MON2: variants seen among roughly 807,000 people sequenced by gnomAD.
MON2 encodes MON2 regulator of endosome-to-Golgi trafficking, also known as protein MON2 homolog.
A neutral mutation model predicts 208.6 loss-of-function variants in MON2; 84 were observed. That is an observed-to-expected ratio of 0.40 (90% CI 0.34 to 0.48). The LOEUF is 0.48. Ranked by LOEUF, MON2 falls within the 20% of genes least tolerant of loss-of-function variation. The probability of loss-of-function intolerance (pLI) is 0.59; values close to 1 mark genes in which losing one functional copy is unlikely to be tolerated. For missense variants in MON2, 1,611 were observed against 2,015.4 expected, an observed-to-expected ratio of 0.80 and a Z score of 3.84; for synonymous variants, 660 against 694.0, an observed-to-expected ratio of 0.95 and a Z score of 0.77.
In MON2 at chr12:62,585,506, A is replaced by G. The variant is rs139718915; in HGVS notation, c.4907+5A>G. On this transcript the variant is annotated splice_donor_5th_base_variant and intron_variant, in intron 33 of 34. Coordinates refer to ENST00000393630, the MANE Select transcript of MON2 (RefSeq NM_015026.3). ...TGGTAAATGCCCTCTTCCAAGGTAT[A>G]TATTTCATTTTATTAAAGAAATAAA... 2.4e-5 allele frequency: 37 copies of G among 1,552,852 alleles called. No individual in the cohort carries two copies. The highest frequency in any genetic ancestry group is 9.1e-5 in the East Asian group (4 of 44,120).
intron 1 of MON2, among the ~76,000 whole-genome samples, chr12:62,468,172 CA>C (rs201380712): frequency 7.4e-5 from 11 of 148,976 alleles, no homozygotes; most frequent in Non-Finnish European, 1.3e-4. Flanking sequence ...AAAAAACAAA[CA>C]AAAAAACCCA....
In MON2 at chr12:62,595,145, T is replaced by G. The variant is rs2075499317; in HGVS notation, c.*2396T>G. The G allele has an allele frequency of 1.3e-5, 2 of 151,956 alleles. No homozygotes were observed. Among genetic ancestry groups the G allele is most frequent in the African/African-American group, 2.4e-5 (1 of 41,390 alleles). The allele number at this position is 151,956 out of a possible 1,614,324, so 9.4% of individuals were successfully genotyped here. ...TACTTACTAGAAATACTATGAGTTT[T>G]TTTTTTTTTTTTCATTTGAGACGGA... On this transcript the variant is annotated 3_prime_UTR_variant, in exon 35 of 35. Coordinates refer to ENST00000393630, the MANE Select transcript of MON2 (RefSeq NM_015026.3).
rs556363882 is a variant in MON2, at chr12:62,493,814, A to AT, written c.176-93dup. The stretch of plus-strand genomic sequence containing the variant: ...TTGGTGTTTATTTTACGTAAAGTGG[A>AT]TTTTTTTTGAGATCGCTATTACTGG... On this transcript the variant is annotated intron_variant, in intron 2 of 34. Coordinates refer to ENST00000393630, the MANE Select transcript of MON2 (RefSeq NM_015026.3). 202 of 900,770 alleles carry AT rather than the reference A, an allele frequency of 2.2e-4. No individual in the cohort carries two copies. In the East Asian group the frequency reaches 4.2e-3, roughly 19 times the overall value. The allele number at this position is 900,770 out of a possible 1,614,324, so 55.8% of individuals were successfully genotyped here.
At chr12:62,507,891 C>A (rs992396740) in intron 7 of MON2, among the ~76,000 whole-genome samples, 2 of 152,134 alleles carry the variant, frequency 1.3e-5, no homozygotes, top group Admixed American at 6.5e-5. Context: ...ACCTCAGCCT[C>A]CCAAATTGCT....
Position 62,580,312 on chromosome 12 carries a change from A to C in MON2, c.4591A>C (p.Ser1531Arg). Residue 1531 changes from serine to arginine, a missense_variant, in exon 32 of 35, where the codon AGC becomes CGC. By Grantham distance (110) the Ser-to-Arg change is moderately radical. Transcript: ENST00000393630. ...NIDVEVVQLI[S>R]NEILPYANFI... ...TTTGTTTTAGGTAGTTCAACTTATC[A>C]GCAATGAGATACTACCTTATGCCAA... 6.2e-7 allele frequency: 1 copy of C among 1,610,744 alleles called. No homozygotes were observed. The highest frequency in any genetic ancestry group is 8.5e-7 in the Non-Finnish European group (1 of 1,178,120).
intron 1 of MON2, among the ~76,000 whole-genome samples, chr12:62,469,062 CCT>C (rs1565945507): frequency 6.6e-6 from 1 of 151,796 alleles, no homozygotes; most frequent in African/African-American, 2.4e-5. Context: ...ACCTCAGCCC[CCT>C]GAGTTGCAGC....
At chr12:62,534,584 A>ATATAT (rs2072875645) in intron 12 of MON2, among the ~76,000 whole-genome samples, 1 of 134,206 alleles carries the variant, frequency 7.5e-6, no homozygotes, top group African/African-American at 2.8e-5. Context: ...ATATATATAT[A>ATATAT]AAATTTAACG....
intron 7 of MON2, among the ~76,000 whole-genome samples, chr12:62,504,208 T>C (rs937487206): frequency 1.5e-4 from 23 of 151,624 alleles, no homozygotes; most frequent in African/African-American, 4.6e-4. Flanking sequence ...TAGGAAAAGA[T>C]TTGAAACCGT....
chr12:62,526,224 A>G (rs1420221641), intron 11 of MON2, 122 bp downstream of exon 11: 1 of 916,050 alleles, frequency 1.1e-6, no homozygotes, highest in Non-Finnish European at 1.7e-6. Flanking sequence ...TTTAGAGCTC[A>G]TTTTCTTTCG....
At chr12:62,548,256 G>A (rs1288332459) in intron 22 of MON2, among the ~76,000 whole-genome samples, 1 of 152,158 alleles carries the variant, frequency 6.6e-6, no homozygotes, top group Non-Finnish European at 1.5e-5. Flanking sequence ...GCTACTTAAC[G>A]GATTGACTGT....
At chr12:62,534,533 A>AT (rs1555169480) in intron 12 of MON2, among the ~76,000 whole-genome samples, 5 of 43,726 alleles carry the variant, frequency 1.1e-4, no homozygotes, top group African/African-American at 6.4e-4. Context: ...AAAAAAAAAA[A>AT]AAAAAAAAAA....
chr12:62,471,432 C>A (rs2135944417), intron 1 of MON2, among the ~76,000 whole-genome samples: 1 of 152,308 alleles, frequency 6.6e-6, no homozygotes. Context: ...GATCTGCCCG[C>A]CTCGGCCTCC....
At chr12:62,489,961 T>G (rs1375968360) in intron 2 of MON2, 2 of 922,260 alleles carry the variant, frequency 2.2e-6, no homozygotes, top group African/African-American at 3.6e-5. Flanking sequence ...GTTAAAATTT[T>G]TCACAATAAA....
chr12:62,492,528 C>T (rs1252427649), intron 2 of MON2, among the ~76,000 whole-genome samples: 44 of 149,290 alleles, frequency 2.9e-4, no homozygotes, highest in African/African-American at 1.0e-3. Flanking sequence ...CCCGCCACCG[C>T]GCCCGACTAA....
chr12:62,560,863 T>C lies in MON2; in HGVS notation c.3782T>C (p.Phe1261Ser), dbSNP rs369166192. The change falls in exon 26 of 35, where the codon TTT becomes TCT. Residue 1261 changes from phenylalanine (F) to serine (S), a missense_variant. By Grantham distance (155) the Phe-to-Ser change is radical (BLOSUM62 -2). Transcript: ENST00000393630. ...GSESTKPPITFDKLTFIPSQP... is the reference protein window; with the variant it reads ...GSESTKPPITSDKLTFIPSQP... ...GAAAGTACTAAGCCTCCTATTACTT[T>C]TGATAAACTAACTTTTATTCCTAGC... The C allele has an allele frequency of 5.0e-6, 8 of 1,614,030 alleles. No homozygotes were observed. The African/African-American group carries it at 1.1e-4, about 22-fold the overall frequency.
intron 8 of MON2, among the ~76,000 whole-genome samples, chr12:62,512,365 T>TG (rs1252188471): frequency 2.0e-5 from 3 of 152,138 alleles, no homozygotes; most frequent in Non-Finnish European, 4.4e-5. Flanking sequence ...GTACAAGCAT[T>TG]GGGTAAATAC....
intron 32 of MON2, among the ~76,000 whole-genome samples, chr12:62,581,638 C>G (rs1200610151): frequency 1.3e-5 from 2 of 152,084 alleles, no homozygotes; most frequent in Non-Finnish European, 2.9e-5. Context: ...GAGTTCAAGA[C>G]CAGCCTGGCC....
intron 32 of MON2, among the ~76,000 whole-genome samples, chr12:62,580,795 A>G (rs2074977761): frequency 6.6e-6 from 1 of 152,216 alleles, no homozygotes; most frequent in South Asian, 2.1e-4. Flanking sequence ...CATAGATTGG[A>G]AAGGAATATA....
intron 11 of MON2, among the ~76,000 whole-genome samples, chr12:62,531,285 C>G (rs576104734): frequency 6.6e-6 from 1 of 152,010 alleles, no homozygotes; most frequent in Non-Finnish European, 1.5e-5. Flanking sequence ...ATCTAACAAA[C>G]CTTTGCCTAA....
Sources: allele counts gnomAD v4.1 joint callset (sites outside exome capture counted in the v4.1 genomes callset), GRCh38; gene constraint gnomAD v4.1.1; transcripts MANE v1.5; gene names NCBI Gene and HGNC (gene_info 2026-07-23, HGNC 2026-07-21).